ATXN2: variants seen among roughly 807,000 people sequenced by gnomAD.
The protein encoded by ATXN2 is ataxin 2, also known as ataxin-2.
A neutral mutation model predicts 138.6 loss-of-function variants in ATXN2; 37 were observed. That is an observed-to-expected ratio of 0.27 (90% CI 0.21 to 0.35). The LOEUF (loss-of-function observed/expected upper bound fraction) is 0.35. ATXN2 is among the 10% of genes least tolerant of loss of function. ATXN2 has a pLI of 1.00. For synonymous variants in ATXN2, 549 were observed against 543.7 expected (o/e 1.01, Z -0.13); for missense variants, 1,216 against 1,480.3 (o/e 0.82, Z 2.93).
At position 111,598,083 on chromosome 12, in the gene ATXN2, G is replaced by A; in HGVS notation, c.251+701C>T. 8.8e-7 allele frequency: 1 copy of A among 1,139,058 alleles called. No individual in the cohort carries two copies. Among genetic ancestry groups the A allele is most frequent in the African/African-American group, 1.6e-5 (1 of 61,762 alleles). The allele number at this position is 1,139,058 out of a possible 1,614,324, so 70.6% of individuals were successfully genotyped here. ...TGGGGGAGGGTGGAACGCTGCCGGA[G>A]GCCACATGGAGCCCCACGATTTCAG... On this transcript the variant is annotated intron_variant, in intron 1 of 24. Coordinates refer to ENST00000673436, the MANE Select transcript of ATXN2 (RefSeq NM_001372574.1). This position sits in a 1 kb window ranked among gnomAD's most constrained non-coding sequence, Gnocchi z 4.5.
intron 13 of ATXN2, 89 bp downstream of exon 13, chr12:111,509,802 G>T: frequency 8.9e-7 from 1 of 1,121,870 alleles, no homozygotes; most frequent in Non-Finnish European, 1.3e-6. Flanking sequence ...AAGAAGAAAT[G>T]TTGAACAAAA....
Position 111,516,257 on chromosome 12 carries a change from C to A in ATXN2, c.1272G>T (p.Pro424=). ...ATGGCCGCGAGGGGGGCCTGGAGGG[C>A]GGCCGTGTAGGGGTGGCTGCCCGAG... ...LPPRAATPTR[P]PSRPPSRPSR... Residue 424 remains proline, a synonymous_variant, in exon 10 of 25, where the codon CCG becomes CCT. Transcript: ENST00000673436. The surrounding 1 kb of genome is among the most constrained non-coding windows in gnomAD (Gnocchi z 5.0). 1 of 1,565,680 alleles carries A rather than the reference C, an allele frequency of 6.4e-7. No homozygotes were observed. The highest frequency in any genetic ancestry group is 8.6e-7 in the Non-Finnish European group (1 of 1,162,208).
At chr12:111,538,150 A>G (rs1020931979) in intron 5 of ATXN2, among the ~76,000 whole-genome samples, 1 of 152,120 alleles carries the variant, frequency 6.6e-6, no homozygotes, top group African/African-American at 2.4e-5. Flanking sequence ...TGAATGATTA[A>G]ATTTTCTAGC....
chr12:111,479,998 T>TA (rs1209865354), intron 18 of ATXN2, among the ~76,000 whole-genome samples: 1 of 32,234 alleles, frequency 3.1e-5, no homozygotes, highest in Non-Finnish European at 7.2e-5. Flanking sequence ...TTTTTTTACG[T>TA]AAAAAAAGAA....
At chr12:111,492,869 A>G (rs1878133415) in intron 14 of ATXN2, among the ~76,000 whole-genome samples, 1 of 152,176 alleles carries the variant, frequency 6.6e-6, no homozygotes, top group Non-Finnish European at 1.5e-5. Context: ...GTGATAAGAG[A>G]TATGTGAACT....
At position 111,485,718 on chromosome 12, in the gene ATXN2, C is replaced by T. The variant is rs1191068338; in HGVS notation, c.2452G>A (p.Val818Met). ...MMYPVPVSPG[V>M]QPLYPIPMTP... ...CATCAAATTCTATGACTTACTTGCA[C>T]GCCTGGGCTCACTGGGACTGGATAC... Residue 818 changes from valine (V) to methionine (M), a missense_variant, in exon 17 of 25, where the codon GTG (valine) becomes ATG (methionine). Coordinates refer to ENST00000673436, the MANE Select transcript of ATXN2 (RefSeq NM_001372574.1). The T allele has an allele frequency of 6.8e-6, 11 of 1,613,864 alleles. No homozygotes were observed. The highest frequency in any genetic ancestry group is 2.2e-5 in the East Asian group (1 of 44,878).
chr12:111,498,455 C>T (rs189265422), intron 14 of ATXN2, among the ~76,000 whole-genome samples: 117 of 152,146 alleles, frequency 7.7e-4, no homozygotes, highest in Admixed American at 1.9e-3. Flanking sequence ...ATTTTTTAAA[C>T]GCAATCCCAT....
Position 111,552,394 on chromosome 12 carries a change from T to C in ATXN2, c.457A>G (p.Thr153Ala). The C allele has an allele frequency of 6.2e-7, 1 of 1,613,522 alleles. No homozygotes were observed. The highest frequency in any genetic ancestry group is 8.5e-7 in the Non-Finnish European group (1 of 1,179,844). Residue 153 changes from threonine to alanine, a missense_variant, in exon 5 of 25, where the codon ACA becomes GCA. This residue lies in a region of ATXN2 where 401 missense variants were observed against 528.1 expected (regional missense o/e 0.76). Transcript: ENST00000673436. This position sits in a 1 kb window ranked among gnomAD's most constrained non-coding sequence, Gnocchi z 4.1. ...LVLDAAHEKSTESSSGPKREE... is the reference protein window; with the variant it reads ...LVLDAAHEKSAESSSGPKREE... ...CGTTTCGGCCCCGAACTGGATTCTG[T>C]ACTTTTCTCATGTGCGGCATCAAGT...
At chr12:111,485,411 G>A (rs1877569238) in intron 17 of ATXN2, 80 bp from the exon 18 acceptor site, 11 of 1,312,438 alleles carry the variant, frequency 8.4e-6, no homozygotes, top group East Asian at 2.3e-5. Flanking sequence ...GTTTTATATT[G>A]CTAGAGAGCT....
At chr12:111,599,326 A>AG (rs1418447308), upstream of ATXN2, 8 of 151,148 alleles carry the variant, frequency 5.3e-5, no homozygotes, top group East Asian at 2.1e-3. Context: ...GCCGGGAGGG[A>AG]GGGGGGCCGG....
chr12:111,588,591 C>A (rs1884462501), intron 1 of ATXN2, among the ~76,000 whole-genome samples: 1 of 150,716 alleles, frequency 6.6e-6, no homozygotes, highest in East Asian at 2.0e-4. Context: ...CACTGCACTC[C>A]AGCCTAGGTG....
rs563284613 is a variant in ATXN2 at position 111,570,177 on chromosome 12, T to C, written c.252-14258A>G. ...CGGCATTCATATCACCTCTGACTTA[T>C]GCACCAAGAATGCTTCCTGACAGGA... On this transcript the variant is annotated intron_variant, in intron 1 of 24. Transcript: ENST00000673436. Among the ~76,000 whole-genome samples the C allele has an allele frequency of 5.9e-5, 9 of 152,316 alleles. No homozygotes were observed. The South Asian group carries it at 1.7e-3, about 28-fold the overall frequency.
intron 1 of ATXN2, among the ~76,000 whole-genome samples, chr12:111,564,039 A>G (rs1882848118): frequency 6.6e-6 from 1 of 152,188 alleles, no homozygotes; most frequent in Admixed American, 6.6e-5. Context: ...ACATTAGACA[A>G]AACAGTGTGG....
intron 1 of ATXN2, among the ~76,000 whole-genome samples, chr12:111,565,136 T>C (rs1882923413): frequency 6.6e-6 from 1 of 151,730 alleles, no homozygotes; most frequent in Non-Finnish European, 1.5e-5. Flanking sequence ...TAATGCTTTA[T>C]ATTAAAATTT....
intron 5 of ATXN2, among the ~76,000 whole-genome samples, chr12:111,540,973 AAGCGTG>A (rs113950073): frequency 4.0e-5 from 6 of 150,478 alleles, no homozygotes; most frequent in African/African-American, 1.2e-4. Context: ...CTGGGATTAC[AAGCGTG>A]AGCACCACAC....
intron 8 of ATXN2, among the ~76,000 whole-genome samples, chr12:111,519,435 C>A (rs1478639628): frequency 1.3e-5 from 2 of 151,982 alleles, no homozygotes; most frequent in Non-Finnish European, 2.9e-5. Flanking sequence ...CTTCTCCCAA[C>A]TCTTCTCTAA....
chr12:111,597,817 G>C (rs1271795992), intron 1 of ATXN2: 13 of 1,254,736 alleles, frequency 1.0e-5, no homozygotes, highest in Non-Finnish European at 1.4e-5. Context: ...TCCGAAATTG[G>C]GGCGGGGGTT....
chr12:111,498,694 C>T (rs955561103), intron 14 of ATXN2, among the ~76,000 whole-genome samples: 7 of 152,102 alleles, frequency 4.6e-5, no homozygotes, highest in Non-Finnish European at 1.0e-4. Flanking sequence ...TGACATTCCT[C>T]ACAGAAGTAG....
At chr12:111,565,458 AAAG>A (rs1322684517) in intron 1 of ATXN2, among the ~76,000 whole-genome samples, 2 of 151,756 alleles carry the variant, frequency 1.3e-5, no homozygotes, top group African/African-American at 2.4e-5. Context: ...TGTAAATAAT[AAAG>A]AAAAGATTGT....
Sources: allele counts gnomAD v4.1 joint callset (sites outside exome capture counted in the v4.1 genomes callset), GRCh38; gene constraint gnomAD v4.1.1; regional missense constraint gnomAD v4.1.1; non-coding constraint Gnocchi (gnomAD v3.1); transcripts MANE v1.5; gene names NCBI Gene and HGNC (gene_info 2026-07-23, HGNC 2026-07-21).